The following SNX18 variants were observed in gnomAD, a reference collection of about 807,000 sequenced individuals.
SNX18 encodes sorting nexin-18.
SNX18 carries 35 observed loss-of-function variants against 48.7 expected under a neutral mutation model. That is an observed-to-expected ratio of 0.72 (90% CI 0.55 to 0.95). The LOEUF is 0.95. Ranked by LOEUF, SNX18 falls within the 40% of genes least tolerant of loss-of-function variation. The probability of loss-of-function intolerance (pLI) is 0.00; values close to 1 mark genes in which losing one functional copy is unlikely to be tolerated. For missense variants in SNX18, 824 were observed against 871.0 expected, an observed-to-expected ratio of 0.95 and a Z score of 0.68; for synonymous variants, 492 against 384.7, an observed-to-expected ratio of 1.28 and a Z score of -3.26.
the SNX18 span, among the ~76,000 whole-genome samples, chr5:54,591,057 C>T: frequency 1.2e-4 from 18 of 152,162 alleles, no homozygotes; most frequent in Non-Finnish European, 2.4e-4. Flanking sequence ...CATCTCTCTC[C>T]CTGTCTCAGA....
In SNX18 at chr5:54,544,046, T is replaced by TGGGGGGGGGGGGGG. The variant is rs3833647; in HGVS notation, c.*618_*619insGGGGGGGGGGGGGG. ...TGGCAGTAGGGGGTGGGGGGGGCGG[T>TGGGGGGGGGGGGGG]GGGGTGGGACGATCAGCTGTCATCA... On this transcript the variant is annotated 3_prime_UTR_variant, in exon 2 of 2. Transcript: ENST00000381410. 1.9e-5 allele frequency: 1 copy of TGGGGGGGGGGGGGG among 52,844 alleles called. No individual in the cohort carries two copies. The allele number at this position is 52,844 out of a possible 1,614,324, so 3.3% of individuals were successfully genotyped here. A position where few individuals can be genotyped will look rare whatever the true frequency, so the allele number is the denominator to read the frequency against.
chr5:54,639,150 A>G, the SNX18 span, among the ~76,000 whole-genome samples: 153 of 152,330 alleles, frequency 1.0e-3, 1 homozygote, highest in African/African-American at 3.6e-3. Flanking sequence ...TGAGGCTGAC[A>G]GTAAAAATTT....
chr5:54,591,633 G>C, the SNX18 span, among the ~76,000 whole-genome samples: 1 of 152,228 alleles, frequency 6.6e-6, no homozygotes, highest in Non-Finnish European at 1.5e-5. Context: ...TGTCACTAAT[G>C]TTCTCCTTTA....
chr5:54,582,299 C>T, the SNX18 span, among the ~76,000 whole-genome samples: 6 of 152,080 alleles, frequency 3.9e-5, no homozygotes, highest in African/African-American at 2.4e-5. Flanking sequence ...GTAGCAGATG[C>T]CTGTATCCTA....
At chr5:54,519,705 G>T (rs575870397) in intron 1 of SNX18, 132 bp downstream of exon 1, 1 of 1,614,206 alleles carries the variant, frequency 6.2e-7, no homozygotes, top group East Asian at 2.2e-5. Context: ...AGACGTGGAC[G>T]CCTGGGTCTT....
intron 1 of SNX18, among the ~76,000 whole-genome samples, chr5:54,540,904 T>G (rs1762456174): frequency 6.6e-6 from 1 of 152,240 alleles, no homozygotes; most frequent in Non-Finnish European, 1.5e-5. Flanking sequence ...GATTTTTCTC[T>G]TTTAATTTCC....
the SNX18 span, among the ~76,000 whole-genome samples, chr5:54,585,852 A>C: frequency 6.6e-6 from 1 of 152,054 alleles, no homozygotes; most frequent in African/African-American, 2.4e-5. Context: ...AAATACAAAA[A>C]AAAATAGCTG....
the SNX18 span, among the ~76,000 whole-genome samples, chr5:54,589,921 C>A: frequency 3.3e-5 from 5 of 152,214 alleles, no homozygotes; most frequent in Non-Finnish European, 5.9e-5. Context: ...TCCCGAGTAG[C>A]TGGGACTACA....
the SNX18 span, among the ~76,000 whole-genome samples, chr5:54,647,266 T>C: frequency 4.6e-5 from 7 of 152,312 alleles, no homozygotes; most frequent in South Asian, 2.1e-4. Flanking sequence ...AGGAAAAAGA[T>C]CGTATTGCCC....
At chr5:54,538,991 A>G (rs1762409069) in intron 1 of SNX18, among the ~76,000 whole-genome samples, 2 of 152,234 alleles carry the variant, frequency 1.3e-5, no homozygotes, top group South Asian at 2.1e-4. Context: ...TTGTACATTT[A>G]AAGTATGCTA....
chr5:54,567,235 G>T, the SNX18 span, among the ~76,000 whole-genome samples: 5 of 152,156 alleles, frequency 3.3e-5, no homozygotes, highest in East Asian at 9.7e-4. Flanking sequence ...GTGTGCGTGT[G>T]TGTGTGGAGA....
At chr5:54,637,653 G>A in the SNX18 span, among the ~76,000 whole-genome samples, 1 of 152,156 alleles carries the variant, frequency 6.6e-6, no homozygotes, top group Non-Finnish European at 1.5e-5. Flanking sequence ...GGTCAAAACA[G>A]GGCAGTTGAC....
chr5:54,527,378 C>CA (rs1762155400), intron 1 of SNX18, among the ~76,000 whole-genome samples: 1 of 151,736 alleles, frequency 6.6e-6, no homozygotes, highest in South Asian at 2.1e-4. Flanking sequence ...GGTCCCCCTC[C>CA]AGCTATATTT....
rs1761962547 is a variant in SNX18, at chr5:54,519,355, G to A, written c.1403G>A (p.Gly468Asp). Residue 468 changes from glycine to aspartate, a missense_variant, in exon 1 of 2, where the codon GGC becomes GAC. Gly to Asp is a moderately conservative substitution (Grantham distance 94, BLOSUM62 -1). This residue lies in a region of SNX18 where 443 missense variants were observed against 503.6 expected (regional missense o/e 0.88). Transcript: ENST00000381410. ...TGFKKEYQKV[G>D]QSFRGLSQAF... The stretch of plus-strand genomic sequence containing the variant: ...TTCAAAAAGGAGTATCAGAAGGTGG[G>A]CCAGTCCTTCCGCGGCCTCAGCCAG... The A allele has an allele frequency of 1.2e-6, 2 of 1,613,222 alleles. No homozygotes were observed. Among genetic ancestry groups the A allele is most frequent in the Admixed American group, 3.3e-5 (2 of 59,972 alleles).
intron 1 of SNX18, among the ~76,000 whole-genome samples, chr5:54,540,947 AT>A (rs1762456949): frequency 6.6e-6 from 1 of 152,134 alleles, no homozygotes; most frequent in Admixed American, 6.5e-5. Flanking sequence ...CATGTATTTT[AT>A]CGCTACACAT....
At chr5:54,614,732 C>T in the SNX18 span, among the ~76,000 whole-genome samples, 2 of 152,128 alleles carry the variant, frequency 1.3e-5, no homozygotes, top group African/African-American at 4.8e-5. Flanking sequence ...GTGGGAGGAT[C>T]ACTTGAGCTC....
At chr5:54,634,834 G>A in the SNX18 span, among the ~76,000 whole-genome samples, 102 of 152,108 alleles carry the variant, frequency 6.7e-4, no homozygotes, top group East Asian at 7.2e-3. Flanking sequence ...AAAATTGAGC[G>A]TCTTATTCAT....
At chr5:54,557,267 G>A in the SNX18 span, among the ~76,000 whole-genome samples, 1 of 152,214 alleles carries the variant, frequency 6.6e-6, no homozygotes, top group African/African-American at 2.4e-5. Flanking sequence ...AGACACAAGT[G>A]CAGAATGCAT....
the SNX18 span, among the ~76,000 whole-genome samples, chr5:54,593,689 T>C: frequency 1.3e-5 from 2 of 152,208 alleles, no homozygotes; most frequent in African/African-American, 4.8e-5. Flanking sequence ...GGTGAAAGGA[T>C]AGACATATAG....
Sources: allele counts gnomAD v4.1 joint callset (sites outside exome capture counted in the v4.1 genomes callset), GRCh38; gene constraint gnomAD v4.1.1; regional missense constraint gnomAD v4.1.1; transcripts MANE v1.5; gene names NCBI Gene and HGNC (gene_info 2026-07-23, HGNC 2026-07-21).